HECW1: variants seen among roughly 807,000 people sequenced by gnomAD.
HECW1 encodes the protein E3 ubiquitin-protein ligase HECW1.
A neutral mutation model predicts 182.3 loss-of-function variants in HECW1; 61 were observed. The ratio of observed to expected loss-of-function variants is 0.33; its 90% CI spans 0.27 to 0.41. The LOEUF (loss-of-function observed/expected upper bound fraction) is 0.41, where lower values mean the gene tolerates loss of function less well. Ranked by LOEUF, HECW1 falls within the 10% of genes least tolerant of loss-of-function variation. HECW1 has a pLI of 1.00. For synonymous variants in HECW1, 859 were observed against 832.6 expected, an observed-to-expected ratio of 1.03 and a Z score of -0.55; for missense variants, 1,739 against 2,108.9, an observed-to-expected ratio of 0.82 and a Z score of 3.44.
At chr7:43,554,900 C>G (rs1024300637) in intron 29 of HECW1, 110 bp downstream of exon 29, 1 of 973,170 alleles carries the variant, frequency 1.0e-6, no homozygotes, top group Non-Finnish European at 1.5e-6. Flanking sequence ...TCCTGTCACC[C>G]AAAGTATTGT....
chr7:43,529,789 C>T (rs918187690), intron 24 of HECW1, among the ~76,000 whole-genome samples: 4 of 152,136 alleles, frequency 2.6e-5, no homozygotes, highest in African/African-American at 9.7e-5. Flanking sequence ...GATCTTTACA[C>T]TTCATGCTCT....
intron 3 of HECW1, among the ~76,000 whole-genome samples, chr7:43,264,544 A>C (rs1226768682): frequency 6.6e-6 from 1 of 152,064 alleles, no homozygotes; most frequent in Non-Finnish European, 1.5e-5. Flanking sequence ...TGTCTTTTGT[A>C]AAAAATAATT....
Position 43,133,254 on chromosome 7 carries a change from A to G in HECW1, c.-32+18863A>G, listed in dbSNP as rs146996013. 3.6e-3 allele frequency among the ~76,000 whole-genome samples: 545 copies of G among 151,880 alleles called. 2 individuals are homozygous for G. The highest frequency in any genetic ancestry group is 0.013 in the African/African-American group (534 of 41,508). ...TTACATATGAAATATATACACATTT[A>G]TATATAAATGAATAAATAAGATTAG... is the stretch of plus-strand genomic sequence containing the variant. On this transcript the variant is annotated intron_variant, in intron 2 of 29. Transcript: ENST00000395891.
intron 6 of HECW1, among the ~76,000 whole-genome samples, chr7:43,376,255 T>C (rs1226144062): frequency 6.6e-6 from 1 of 152,090 alleles, no homozygotes; most frequent in Non-Finnish European, 1.5e-5. Flanking sequence ...TGGGAATCCA[T>C]ATAAACAGAA....
At chr7:43,202,983 A>G (rs1387352624) in intron 2 of HECW1, among the ~76,000 whole-genome samples, 11 of 151,328 alleles carry the variant, frequency 7.3e-5, no homozygotes, top group South Asian at 2.1e-4. Context: ...CCCCACCCCT[A>G]TCTCCCTTCG....
intron 2 of HECW1, among the ~76,000 whole-genome samples, chr7:43,141,701 T>C (rs1467489202): frequency 6.6e-6 from 1 of 152,122 alleles, no homozygotes; most frequent in Admixed American, 6.5e-5. Flanking sequence ...TTTCTCCATG[T>C]TGGTCAGGCT....
In HECW1 at chr7:43,425,215, A is replaced by T. The variant is rs575116309; in HGVS notation, c.802-12788A>T. Among the ~76,000 whole-genome samples the T allele has an allele frequency of 2.9e-5, 4 of 137,118 alleles. No individual in the cohort carries two copies. The South Asian group carries it at 1.0e-3, about 35-fold the overall frequency. 90.0% of individuals were successfully genotyped at this position (137,118 alleles called of 152,430 possible). On this transcript the variant is annotated intron_variant, in intron 8 of 29. Coordinates refer to ENST00000395891, the MANE Select transcript of HECW1 (RefSeq NM_015052.5). ...ACAGAAGTGGATATTTTATATATTT[A>T]CCAAGACACTCACACACACACACAC...
intron 5 of HECW1, among the ~76,000 whole-genome samples, chr7:43,348,749 T>A (rs140440904): frequency 2.0e-5 from 3 of 152,324 alleles, no homozygotes; most frequent in African/African-American, 7.2e-5. Context: ...TTAATTTCCA[T>A]CTTGATTTCG....
chr7:43,242,808 G>A (rs1432592345), intron 2 of HECW1, among the ~76,000 whole-genome samples: 2 of 152,218 alleles, frequency 1.3e-5, no homozygotes, highest in Non-Finnish European at 1.5e-5. Context: ...GCCAGTGGCT[G>A]TGGCAGGGAG....
Position 43,460,559 on chromosome 7 carries a change from CGT to C in HECW1, c.2652-3086_2652-3085del, listed in dbSNP as rs142785518. On this transcript the variant is annotated intron_variant, in intron 13 of 29. Coordinates refer to ENST00000395891, the MANE Select transcript of HECW1 (RefSeq NM_015052.5). Reference sequence around the variant, plus strand: ...GCGCGTGCGTGTGTGTGCGTGTGTGCGTGTGTGTGTGTGTGTCCATTTACAAA... The same window carrying C: ...GCGCGTGCGTGTGTGTGCGTGTGTGCGTGTGTGTGTGTGTCCATTTACAAA... Among the ~76,000 whole-genome samples the C allele has an allele frequency of 4.4e-3, 663 of 149,828 alleles. 9 individuals carry two copies. The highest frequency in any genetic ancestry group is 0.014 in the African/African-American group (593 of 40,990).
At chr7:43,119,919 T>C (rs2152601413) in intron 2 of HECW1, among the ~76,000 whole-genome samples, 1 of 152,318 alleles carries the variant, frequency 6.6e-6, no homozygotes, top group African/African-American at 2.4e-5. Context: ...TCCTTGCCCA[T>C]CTGCAGTCTG....
chr7:43,434,509 G>A (rs901781952), intron 8 of HECW1, among the ~76,000 whole-genome samples: 2 of 152,242 alleles, frequency 1.3e-5, no homozygotes, highest in Admixed American at 1.3e-4. Context: ...GAGGCTTGAA[G>A]TAAAGGCCAA....
Position 43,565,511 on chromosome 7 carries a change from C to T in HECW1, c.*3585C>T. On this transcript the variant is annotated 3_prime_UTR_variant, in exon 30 of 30. Transcript: ENST00000395891. Reference sequence around the variant, plus strand: ...AAATATTTTCCCAGTCAAGATGAAACACTTTCAAATGAAAGTAGTTAGAAC... The same window carrying T: ...AAATATTTTCCCAGTCAAGATGAAATACTTTCAAATGAAAGTAGTTAGAAC... The T allele has an allele frequency of 5.5e-6, 1 of 183,068 alleles. No homozygotes were observed. Among genetic ancestry groups the T allele is most frequent in the Non-Finnish European group, 1.2e-5 (1 of 86,264 alleles). 11.3% of individuals were successfully genotyped at this position (183,068 alleles called of 1,614,324 possible).
chr7:43,145,231 C>T (rs112314750), intron 2 of HECW1, among the ~76,000 whole-genome samples: 1 of 152,076 alleles, frequency 6.6e-6, no homozygotes. Flanking sequence ...CTGCATGGCC[C>T]CTTAAGATGA....
intron 13 of HECW1, among the ~76,000 whole-genome samples, chr7:43,462,493 G>GAA (rs912745107): frequency 2.7e-5 from 4 of 147,594 alleles, no homozygotes; most frequent in African/African-American, 1.0e-4. Flanking sequence ...GCACATTCTG[G>GAA]AAAAAAAAAA....
chr7:43,120,886 T>C (rs766376550), intron 2 of HECW1, among the ~76,000 whole-genome samples: 25 of 152,030 alleles, frequency 1.6e-4, no homozygotes, highest in Non-Finnish European at 2.9e-4. Context: ...TCGAGTGATC[T>C]GCAAATCTGA....
intron 3 of HECW1, among the ~76,000 whole-genome samples, chr7:43,252,356 A>G (rs991086237): frequency 7.2e-5 from 11 of 152,150 alleles, no homozygotes; most frequent in Admixed American, 5.9e-4. Context: ...GGATCTCTTC[A>G]TAGCTGTCTT....
intron 3 of HECW1, among the ~76,000 whole-genome samples, chr7:43,310,319 G>A (rs374683763): frequency 4.6e-5 from 7 of 152,170 alleles, no homozygotes; most frequent in South Asian, 4.1e-4. Flanking sequence ...GGCCTTCAGC[G>A]CTTTGCCAGT....
At chr7:43,415,634 G>T (rs1283501917) in intron 8 of HECW1, among the ~76,000 whole-genome samples, 5 of 148,552 alleles carry the variant, frequency 3.4e-5, no homozygotes, top group Admixed American at 3.4e-4. Context: ...TTTCCAACTT[G>T]GTTCCATTCT....
Sources: allele counts gnomAD v4.1 joint callset (sites outside exome capture counted in the v4.1 genomes callset), GRCh38; gene constraint gnomAD v4.1.1; transcripts MANE v1.5; gene names NCBI Gene and HGNC (gene_info 2026-07-23, HGNC 2026-07-21).